The following NRXN3 variants were observed in gnomAD, a reference collection of about 807,000 sequenced individuals.
The protein encoded by NRXN3 is neurexin III.
In NRXN3, 32 loss-of-function variants were observed where a neutral mutation model predicts 137.6. The ratio of observed to expected loss-of-function variants is 0.23; its 90% confidence interval spans 0.18 to 0.31. The LOEUF is 0.31. NRXN3 is among the 10% of genes least tolerant of loss of function. The probability of loss-of-function intolerance (pLI) is 1.00; values close to 1 mark genes in which losing one functional copy is unlikely to be tolerated. For missense variants in NRXN3, 1,574 were observed against 2,062.5 expected (o/e 0.76, Z 4.59); for synonymous variants, 798 against 784.5 (o/e 1.02, Z -0.29).
At chr14:78,588,047 A>G (rs1193075483) in intron 4 of NRXN3, among the ~76,000 whole-genome samples, 1 of 152,238 alleles carries the variant, frequency 6.6e-6, no homozygotes, top group Non-Finnish European at 1.5e-5. Context: ...ATCATTAAAC[A>G]TAATAGTAAA....
chr14:79,198,820 G>A (rs1438767273), intron 15 of NRXN3, among the ~76,000 whole-genome samples: 6 of 152,126 alleles, frequency 3.9e-5, no homozygotes, highest in African/African-American at 1.4e-4. Context: ...ATTCCAAAAT[G>A]GGGATTGAAC....
At chr14:78,266,226 CATATT>C (rs1270854006) in intron 2 of NRXN3, among the ~76,000 whole-genome samples, 1 of 152,100 alleles carries the variant, frequency 6.6e-6, no homozygotes, top group African/African-American at 2.4e-5. Flanking sequence ...AATTCACAAA[CATATT>C]ATTAATATGT....
intron 15 of NRXN3, among the ~76,000 whole-genome samples, chr14:79,131,324 CT>C (rs1401891662): frequency 6.6e-6 from 1 of 151,902 alleles, no homozygotes; most frequent in East Asian, 1.9e-4. Context: ...TACTTTTGGT[CT>C]TTGATGATGG....
intron 6 of NRXN3, among the ~76,000 whole-genome samples, chr14:78,669,087 T>A (rs1311945702): frequency 1.3e-5 from 2 of 151,842 alleles, no homozygotes; most frequent in African/African-American, 4.8e-5. Context: ...TTAGAGATGG[T>A]CTCCTGAAAG....
chr14:79,727,819 C>CT (rs2098900615), intron 19 of NRXN3, among the ~76,000 whole-genome samples: 3 of 152,208 alleles, frequency 2.0e-5, no homozygotes, highest in Admixed American at 2.0e-4. Flanking sequence ...AAATCCTGGA[C>CT]TTTTTTCCCC....
chr14:78,328,247 G>A (rs1439200259), intron 4 of NRXN3, among the ~76,000 whole-genome samples: 1 of 152,084 alleles, frequency 6.6e-6, no homozygotes, highest in Non-Finnish European at 1.5e-5. Flanking sequence ...ATTCTCATGA[G>A]ACGTTTTTGA....
intron 15 of NRXN3, among the ~76,000 whole-genome samples, chr14:79,151,692 T>A (rs1423318591): frequency 1.3e-5 from 2 of 152,006 alleles, no homozygotes; most frequent in African/African-American, 4.8e-5. Flanking sequence ...CAGACTCTGA[T>A]AATGGGAATC....
At chr14:78,359,112 A>G (rs559794373) in intron 4 of NRXN3, among the ~76,000 whole-genome samples, 1 of 152,154 alleles carries the variant, frequency 6.6e-6, no homozygotes, top group South Asian at 2.1e-4. Flanking sequence ...TAGGGCCATT[A>G]TATATTTTTT....
intron 15 of NRXN3, among the ~76,000 whole-genome samples, chr14:79,172,656 A>G (rs1032320697): frequency 1.3e-5 from 2 of 152,198 alleles, no homozygotes; most frequent in Admixed American, 1.3e-4. Context: ...ACAATTTAAT[A>G]TCAAAGTAAT....
At chr14:79,389,961 T>G (rs1220167544) in intron 15 of NRXN3, among the ~76,000 whole-genome samples, 1 of 152,182 alleles carries the variant, frequency 6.6e-6, no homozygotes, top group Non-Finnish European at 1.5e-5. Flanking sequence ...CAGGGTATAA[T>G]CAGTCCATAA....
chr14:78,385,802 C>T (rs2089889614), intron 4 of NRXN3, among the ~76,000 whole-genome samples: 1 of 152,126 alleles, frequency 6.6e-6, no homozygotes, highest in Non-Finnish European at 1.5e-5. Context: ...ACTCTTTATT[C>T]CTCCATTTAC....
At position 79,335,041 on chromosome 14, in the gene NRXN3, A is replaced by C. The variant is rs1016796112; in HGVS notation, c.3263-132180A>C. Among the ~76,000 whole-genome samples the C allele has an allele frequency of 2.0e-5, 3 of 152,150 alleles. No homozygotes were observed. The East Asian group carries it at 5.8e-4, about 29-fold the overall frequency. On this transcript the variant is annotated intron_variant, in intron 15 of 20. Coordinates refer to ENST00000335750, the MANE Select transcript of NRXN3 (RefSeq NM_001330195.2). ...TGGGTGTGGAGGTTACCCAGCCTCCATGTTGCCTCAGTGACTCCCTTTCCT... is the reference window on the plus strand; with the variant it reads ...TGGGTGTGGAGGTTACCCAGCCTCCCTGTTGCCTCAGTGACTCCCTTTCCT...
At chr14:79,785,639 G>A (rs1448847996) in intron 19 of NRXN3, among the ~76,000 whole-genome samples, 2 of 151,858 alleles carry the variant, frequency 1.3e-5, no homozygotes, top group Admixed American at 6.6e-5. Context: ...AGGACAGTTA[G>A]GCCAAACACT....
intron 4 of NRXN3, among the ~76,000 whole-genome samples, chr14:78,501,746 G>A (rs1199095914): frequency 6.6e-6 from 1 of 152,144 alleles, no homozygotes; most frequent in Non-Finnish European, 1.5e-5. Context: ...TACATTCATA[G>A]CTGTCCACCC....
intron 15 of NRXN3, among the ~76,000 whole-genome samples, chr14:79,461,675 G>T (rs967271098): frequency 1.3e-5 from 2 of 152,130 alleles, no homozygotes; most frequent in African/African-American, 4.8e-5. Context: ...CATGGTAATT[G>T]ATATGAATTT....
At chr14:79,290,274 A>G (rs1261665172) in intron 15 of NRXN3, among the ~76,000 whole-genome samples, 1 of 152,206 alleles carries the variant, frequency 6.6e-6, no homozygotes, top group African/African-American at 2.4e-5. Flanking sequence ...CATTTAAATG[A>G]AAATGAACTC....
At position 79,746,139 on chromosome 14, in the gene NRXN3, C is replaced by A. The variant is rs994207631; in HGVS notation, c.4014+48202C>A. The stretch of plus-strand genomic sequence containing the variant: ...GTTTTACTCAGTCTAGATCCCAATC[C>A]ATGGAGTTTGACCAAATGAGTTAGG... On this transcript the variant is annotated intron_variant, in intron 19 of 20. Transcript: ENST00000335750. Among the ~76,000 whole-genome samples the A allele has an allele frequency of 2.0e-5, 3 of 152,180 alleles. No homozygotes were observed. The East Asian group carries it at 5.8e-4, about 29-fold the overall frequency.
At chr14:78,939,562 G>A (rs1287673560) in intron 10 of NRXN3, among the ~76,000 whole-genome samples, 1 of 152,156 alleles carries the variant, frequency 6.6e-6, no homozygotes, top group Non-Finnish European at 1.5e-5. Flanking sequence ...GCCCTCCTGG[G>A]GAGACACAAG....
chr14:78,229,939 C>G (rs897919748), intron 1 of NRXN3, among the ~76,000 whole-genome samples: 8 of 152,106 alleles, frequency 5.3e-5, no homozygotes, highest in African/African-American at 1.4e-4. Flanking sequence ...GTCACTGTTC[C>G]CTCTCCAGTT....
Sources: allele counts gnomAD v4.1 joint callset (sites outside exome capture counted in the v4.1 genomes callset), GRCh38; gene constraint gnomAD v4.1.1; transcripts MANE v1.5; gene names NCBI Gene and HGNC (gene_info 2026-07-23, HGNC 2026-07-21).